ALG5: variants seen among roughly 807,000 people sequenced by gnomAD.
ALG5 encodes the protein ALG5 dolichyl-phosphate beta-glucosyltransferase.
ALG5 carries 26 observed loss-of-function variants against 51.8 expected under a neutral mutation model. The ratio of observed to expected loss-of-function variants is 0.50; its 90% CI spans 0.37 to 0.70. ALG5 has a LOEUF of 0.70. Ranked by LOEUF, ALG5 falls within the 30% of genes least tolerant of loss-of-function variation. ALG5 has a pLI of 0.00. For missense variants in ALG5, 311 were observed against 399.3 expected (o/e 0.78, Z 1.88); for synonymous variants, 141 against 136.1 (o/e 1.04, Z -0.25).
At position 36,949,813 on chromosome 13, in the gene ALG5, ATTTC is replaced by A; in HGVS notation, c.*125_*128del. 3 of 489,204 alleles carry A rather than the reference ATTTC, an allele frequency of 6.1e-6. No homozygotes were observed. Among genetic ancestry groups the A allele is most frequent in the Non-Finnish European group, 1.1e-5 (3 of 279,846 alleles). The allele number at this position is 489,204 out of a possible 1,614,324, so 30.3% of individuals were successfully genotyped here. A position where few individuals can be genotyped will look rare whatever the true frequency, so the allele number is the denominator to read the frequency against. ...TATAATTTTTTACTTATGGAAAGTT[ATTTC>A]TTTAAAATTATCAAAAGGCAGACAA... On this transcript the variant is annotated 3_prime_UTR_variant, in exon 10 of 10. Coordinates refer to ENST00000239891, the MANE Select transcript of ALG5 (RefSeq NM_013338.5).
chr13:36,985,433 C>G (rs1425576147), intron 6 of ALG5, among the ~76,000 whole-genome samples, 194 bp downstream of exon 6: 1 of 152,090 alleles, frequency 6.6e-6, no homozygotes, highest in Admixed American at 6.6e-5. Flanking sequence ...AAGTAATTGT[C>G]AAGTGAATCT....
intron 2 of ALG5, 30 bp from the exon 3 acceptor site, chr13:36,995,065 T>C: frequency 6.3e-7 from 1 of 1,595,358 alleles, no homozygotes; most frequent in Non-Finnish European, 8.6e-7. Flanking sequence ...TAAAAATCAC[T>C]TTTGAAAATG....
chr13:36,999,121 G>C lies in ALG5; in HGVS notation c.66+114C>G. On this transcript the variant is annotated intron_variant, in intron 1 of 9. Coordinates refer to ENST00000239891, the MANE Select transcript of ALG5 (RefSeq NM_013338.5). ...GGTCAGGAATTTGGGGGAATCTAGG[G>C]GAAAAGGGACTTCTCCGAGAACTGG... The C allele has an allele frequency of 5.2e-6, 5 of 969,198 alleles. No individual in the cohort carries two copies. The South Asian group carries it at 1.1e-4, about 21-fold the overall frequency. The allele number at this position is 969,198 out of a possible 1,614,324, so 60.0% of individuals were successfully genotyped here. A position where few individuals can be genotyped will look rare whatever the true frequency, so the allele number is the denominator to read the frequency against.
chr13:36,990,769 C>T (rs2138825733), intron 4 of ALG5, among the ~76,000 whole-genome samples: 1 of 152,292 alleles, frequency 6.6e-6, no homozygotes, highest in South Asian at 2.1e-4. Flanking sequence ...AAATTGAAAA[C>T]CTGAGAATCA....
At chr13:36,990,270 G>A (rs569324765) in intron 4 of ALG5, among the ~76,000 whole-genome samples, 4 of 152,126 alleles carry the variant, frequency 2.6e-5, no homozygotes, top group South Asian at 2.1e-4. Flanking sequence ...TTTATTTTTC[G>A]GTCCACTGTA....
intron 3 of ALG5, among the ~76,000 whole-genome samples, chr13:36,994,038 T>C (rs969727889): frequency 6.6e-6 from 1 of 152,194 alleles, no homozygotes; most frequent in African/African-American, 2.4e-5. Flanking sequence ...GATTCCAGCT[T>C]GGCTGCAGCA....
At chr13:36,989,842 G>C (rs1048438458) in intron 4 of ALG5, among the ~76,000 whole-genome samples, 2 of 151,998 alleles carry the variant, frequency 1.3e-5, no homozygotes, top group South Asian at 4.1e-4. Flanking sequence ...CTCTACCTAA[G>C]CTACTGAGCT....
chr13:36,989,556 C>T lies in ALG5; in HGVS notation c.375G>A (p.Gln125=). 6.2e-7 allele frequency: 1 copy of T among 1,611,992 alleles called. No homozygotes were observed. The part of the protein sequence containing the change: ...QTSKVAFKYC[Q]KYGSDKVRVI... ...CACGTACTTTGTCACTTCCATATTT[C>T]TGGCAATATTTAAAAGCTACCTATG... The change falls in exon 5 of 10, where the codon CAG becomes CAA. Residue 125 remains glutamine (Q), a synonymous_variant. Coordinates refer to ENST00000239891, the MANE Select transcript of ALG5 (RefSeq NM_013338.5).
chr13:36,955,840 C>T (rs1019809918), intron 8 of ALG5, among the ~76,000 whole-genome samples: 114 of 151,842 alleles, frequency 7.5e-4, no homozygotes, highest in Admixed American at 7.4e-3. Flanking sequence ...AAAAACAAAC[C>T]TCAACATGGA....
intron 1 of ALG5, among the ~76,000 whole-genome samples, chr13:36,996,220 C>T (rs910289622): frequency 1.3e-5 from 2 of 152,326 alleles, no homozygotes; most frequent in African/African-American, 4.8e-5. Context: ...GGCTCCCTTC[C>T]ATATGCACTT....
chr13:36,977,033 A>C (rs2058955221), intron 6 of ALG5, among the ~76,000 whole-genome samples: 1 of 152,246 alleles, frequency 6.6e-6, no homozygotes, highest in Non-Finnish European at 1.5e-5. Flanking sequence ...AAAACAAATC[A>C]AAATCCAAAA....
At chr13:36,978,032 A>T (rs2058961771) in intron 6 of ALG5, among the ~76,000 whole-genome samples, 1 of 150,834 alleles carries the variant, frequency 6.6e-6, no homozygotes, top group African/African-American at 2.4e-5. Context: ...GATTACAGGC[A>T]CGTGGCACCA....
chr13:36,993,000 T>A (rs1008660535), intron 4 of ALG5, among the ~76,000 whole-genome samples: 2 of 152,154 alleles, frequency 1.3e-5, no homozygotes, highest in East Asian at 3.9e-4. Flanking sequence ...ACCAAAAAAG[T>A]GCTCCTCAGG....
At chr13:36,992,954 C>T (rs771060744) in intron 4 of ALG5, among the ~76,000 whole-genome samples, 22 of 152,128 alleles carry the variant, frequency 1.4e-4, no homozygotes, top group Admixed American at 9.8e-4. Flanking sequence ...CCTGATCCTT[C>T]CAGCAGAGCA....
chr13:36,969,218 G>T (rs2058909507), intron 7 of ALG5, among the ~76,000 whole-genome samples: 1 of 152,022 alleles, frequency 6.6e-6, no homozygotes, highest in Non-Finnish European at 1.5e-5. Flanking sequence ...TTCAACCAAT[G>T]CAAGTTCTAA....
At chr13:36,996,046 G>A (rs1273966012) in intron 1 of ALG5, among the ~76,000 whole-genome samples, 1 of 151,212 alleles carries the variant, frequency 6.6e-6, no homozygotes, top group African/African-American at 2.5e-5. Context: ...TGGAACATGC[G>A]GGGTGAGGGC....
intron 9 of ALG5, among the ~76,000 whole-genome samples, chr13:36,951,289 C>T (rs1271803170): frequency 2.0e-5 from 3 of 152,194 alleles, no homozygotes; most frequent in Non-Finnish European, 4.4e-5. Flanking sequence ...CTGAGTGATC[C>T]TTTGACCTGC....
At chr13:36,982,116 A>G (rs568565712) in intron 6 of ALG5, among the ~76,000 whole-genome samples, 1 of 152,246 alleles carries the variant, frequency 6.6e-6, no homozygotes, top group East Asian at 1.9e-4. Flanking sequence ...AACAAACAAC[A>G]ACAACAAAAA....
intron 6 of ALG5, among the ~76,000 whole-genome samples, chr13:36,984,549 T>G (rs1315126005): frequency 6.6e-6 from 1 of 152,272 alleles, no homozygotes; most frequent in Non-Finnish European, 1.5e-5. Flanking sequence ...TTAAATCTTT[T>G]GTATGCAACT....
Sources: gnomAD v4.1 joint callset for allele counts (sites outside exome capture counted in the v4.1 genomes callset) on GRCh38, gnomAD v4.1.1 for gene constraint, MANE v1.5 for transcripts, NCBI Gene and HGNC (gene_info 2026-07-23, HGNC 2026-07-21) for gene names.